Variants in ROBO1 observed in about 807,000 individuals in gnomAD.
The protein encoded by ROBO1 is roundabout guidance receptor 1, also known as roundabout homolog 1.
A neutral mutation model predicts 195.9 loss-of-function variants in ROBO1; 149 were observed. The ratio of observed to expected loss-of-function variants is 0.76; its 90% CI spans 0.67 to 0.87. The LOEUF (loss-of-function observed/expected upper bound fraction) is 0.87, where lower values mean the gene tolerates loss of function less well. Among genes scored for constraint, ROBO1 ranks in the 40% least tolerant of loss-of-function variants. The pLI is 0.00. For synonymous variants in ROBO1, 816 were observed against 733.2 expected (o/e 1.11, Z -1.82); for missense variants, 1,933 against 2,068.3 (o/e 0.93, Z 1.27).
chr3:79,321,395 T>C (rs951981822), intron 2 of ROBO1, among the ~76,000 whole-genome samples: 2 of 152,228 alleles, frequency 1.3e-5, no homozygotes, highest in African/African-American at 4.8e-5. Flanking sequence ...TTATACATGC[T>C]ATCTTTTGTG....
intron 2 of ROBO1, among the ~76,000 whole-genome samples, chr3:79,589,101 T>A (rs1943917892): frequency 6.6e-6 from 1 of 151,694 alleles, no homozygotes; most frequent in Admixed American, 6.6e-5. Context: ...TTTTGACATA[T>A]TAGTTGTATT....
intron 4 of ROBO1, among the ~76,000 whole-genome samples, chr3:78,909,745 A>T (rs1425492757): frequency 6.6e-6 from 1 of 151,804 alleles, no homozygotes; most frequent in Non-Finnish European, 1.5e-5. Flanking sequence ...TAAAAGAGCA[A>T]TTCCAAGAGA....
At chr3:79,575,992 C>CT (rs1943473136) in intron 2 of ROBO1, among the ~76,000 whole-genome samples, 1 of 151,730 alleles carries the variant, frequency 6.6e-6, no homozygotes, top group Non-Finnish European at 1.5e-5. Context: ...TAGTTATTTT[C>CT]TTTGATTTCT....
rs560942386 is a variant in ROBO1 at position 79,208,838 on chromosome 3, T to A, written c.89-83299A>T. 9.2e-5 allele frequency among the ~76,000 whole-genome samples: 14 copies of A among 151,886 alleles called. No individual in the cohort carries two copies. The South Asian group carries it at 2.5e-3, about 27-fold the overall frequency. ...AGTGAAGCCAGAGCTAGATCTTGAATGACTGCAACCTTTCCGAGAAATTTC... is the reference window on the plus strand; with the variant it reads ...AGTGAAGCCAGAGCTAGATCTTGAAAGACTGCAACCTTTCCGAGAAATTTC... On this transcript the variant is annotated intron_variant, in intron 2 of 30. Coordinates refer to ENST00000464233, the MANE Select transcript of ROBO1 (RefSeq NM_002941.4).
chr3:79,063,209 G>T (rs184059908), intron 3 of ROBO1, among the ~76,000 whole-genome samples: 1 of 151,910 alleles, frequency 6.6e-6, no homozygotes, highest in East Asian at 2.0e-4. Context: ...AGCCATATTT[G>T]CCCCTTGAGG....
intron 4 of ROBO1, among the ~76,000 whole-genome samples, chr3:78,829,501 C>A (rs539018886): frequency 1.3e-5 from 2 of 152,220 alleles, no homozygotes; most frequent in South Asian, 2.1e-4. Flanking sequence ...GCTTCTAGTC[C>A]ATTTTTCTGC....
intron 2 of ROBO1, among the ~76,000 whole-genome samples, chr3:79,146,951 T>C (rs2080665654): frequency 6.6e-6 from 1 of 151,936 alleles, no homozygotes; most frequent in South Asian, 2.1e-4. Flanking sequence ...CAGAGTGTAA[T>C]GGATATTTCT....
intron 2 of ROBO1, among the ~76,000 whole-genome samples, chr3:79,449,181 A>G (rs1182748945): frequency 1.3e-5 from 2 of 152,108 alleles, no homozygotes; most frequent in African/African-American, 4.8e-5. Flanking sequence ...TTAGTGAGCC[A>G]TGATCGGGCC....
At chr3:78,860,944 A>T (rs1576305735) in intron 4 of ROBO1, among the ~76,000 whole-genome samples, 1 of 152,018 alleles carries the variant, frequency 6.6e-6, no homozygotes, top group Admixed American at 6.6e-5. Context: ...TCATTTTCAT[A>T]TGTGGTTTAG....
At chr3:79,625,796 C>G (rs115218064) in intron 1 of ROBO1, among the ~76,000 whole-genome samples, 1 of 152,042 alleles carries the variant, frequency 6.6e-6, no homozygotes. Context: ...GGAACTGGTA[C>G]GATTCCTTCT....
chr3:78,991,986 A>T (rs1468571312), intron 3 of ROBO1, among the ~76,000 whole-genome samples: 3 of 152,194 alleles, frequency 2.0e-5, no homozygotes, highest in Non-Finnish European at 4.4e-5. Context: ...ACTAGCACAT[A>T]CTTGTAGAAA....
chr3:79,058,147 C>A (rs1431785628), intron 3 of ROBO1, among the ~76,000 whole-genome samples: 7 of 151,942 alleles, frequency 4.6e-5, no homozygotes, highest in Admixed American at 2.6e-4. Context: ...AATTTTGAGG[C>A]CCCATCTAAA....
At position 79,329,760 on chromosome 3, in the gene ROBO1, C is replaced by T. The variant is rs146376966; in HGVS notation, c.89-204221G>A. 3.0e-3 allele frequency among the ~76,000 whole-genome samples: 450 copies of T among 152,206 alleles called. 3 individuals are homozygous for T. The highest frequency in any genetic ancestry group is 0.01 in the African/African-American group (418 of 41,536). ...TAAGTGAGATAGAATAATACAAATT[C>T]TTTATTGTCTAGTAAATCTCAAGCA... is the stretch of plus-strand genomic sequence containing the variant. On this transcript the variant is annotated intron_variant, in intron 2 of 30. Transcript: ENST00000464233.
chr3:79,268,411 A>G (rs1193700203), intron 2 of ROBO1, among the ~76,000 whole-genome samples: 1 of 151,646 alleles, frequency 6.6e-6, no homozygotes, highest in Non-Finnish European at 1.5e-5. Context: ...AATATTTGGA[A>G]ATAATCTGCC....
chr3:79,540,451 A>G (rs1456854829), intron 2 of ROBO1, among the ~76,000 whole-genome samples: 1 of 152,104 alleles, frequency 6.6e-6, no homozygotes, highest in Non-Finnish European at 1.5e-5. Context: ...TAACTCTCTG[A>G]CTGTGTAATT....
At chr3:78,623,862 T>C (rs74785074) in intron 26 of ROBO1, among the ~76,000 whole-genome samples, 3,252 of 152,236 alleles carry the variant, frequency 0.021, 106 homozygotes, top group African/African-American at 0.074. Context: ...GAAATAGCTA[T>C]CTATATCTAT....
At chr3:79,300,130 G>A (rs533146388) in intron 2 of ROBO1, among the ~76,000 whole-genome samples, 10 of 152,332 alleles carry the variant, frequency 6.6e-5, no homozygotes, top group South Asian at 6.2e-4. Context: ...CACTTGAGGA[G>A]CCCCTCAGCC....
At chr3:79,740,662 A>G (rs1576305909) in intron 1 of ROBO1, among the ~76,000 whole-genome samples, 1 of 152,140 alleles carries the variant, frequency 6.6e-6, no homozygotes, top group East Asian at 1.9e-4. Flanking sequence ...TGTGGCAGAA[A>G]CCGCCCCCAT....
chr3:78,874,733 C>T (rs1008442639), intron 4 of ROBO1, among the ~76,000 whole-genome samples: 5 of 151,666 alleles, frequency 3.3e-5, no homozygotes, highest in Non-Finnish European at 7.4e-5. Context: ...TAGCATCAAC[C>T]ATTATAAGTA....
Sources: allele counts gnomAD v4.1 joint callset (sites outside exome capture counted in the v4.1 genomes callset), GRCh38; gene constraint gnomAD v4.1.1; transcripts MANE v1.5; gene names NCBI Gene and HGNC (gene_info 2026-07-23, HGNC 2026-07-21).